The following CTNNA3 variants were observed in gnomAD, a reference collection of about 807,000 sequenced individuals.
CTNNA3 encodes the protein catenin alpha-3.
CTNNA3 carries 76 observed loss-of-function variants against 95.7 expected under a neutral mutation model. The ratio of observed to expected loss-of-function variants is 0.79; its 90% CI spans 0.66 to 0.96. CTNNA3 has a LOEUF of 0.96. Ranked by LOEUF, CTNNA3 falls within the 40% of genes least tolerant of loss-of-function variation. CTNNA3 has a pLI of 0.00. For synonymous variants in CTNNA3, 431 were observed against 374.4 expected, an observed-to-expected ratio of 1.15 and a Z score of -1.74; for missense variants, 1,191 against 1,089.8, an observed-to-expected ratio of 1.09 and a Z score of -1.31.
intron 1 of CTNNA3, among the ~76,000 whole-genome samples, chr10:67,650,116 G>A (rs147560429): frequency 1.5e-3 from 225 of 152,324 alleles, no homozygotes; most frequent in Middle Eastern, 6.8e-3. Context: ...TAGGATTACA[G>A]GCGTGAGCCA....
At position 67,001,264 on chromosome 10, in the gene CTNNA3, GC is replaced by G. The variant is rs201784996; in HGVS notation, c.1047+179052del. ...TGCAGTGAGCCGAGATGGAGCCACT[GC>G]ACTCCAGCCTGACGACAGAGTGAGA... On this transcript the variant is annotated intron_variant, in intron 7 of 17. Transcript: ENST00000433211. 1.5e-3 allele frequency among the ~76,000 whole-genome samples: 213 copies of G among 146,896 alleles called. 3 individuals are homozygous for G. The highest frequency in any genetic ancestry group is 0.011 in the Admixed American group (156 of 14,490).
At chr10:66,234,202 T>C (rs1286031114) in intron 13 of CTNNA3, among the ~76,000 whole-genome samples, 1 of 152,192 alleles carries the variant, frequency 6.6e-6, no homozygotes, top group Non-Finnish European at 1.5e-5. Flanking sequence ...AAGTCATTTA[T>C]ATTTTTTATT....
intron 7 of CTNNA3, among the ~76,000 whole-genome samples, chr10:67,022,708 C>T (rs1008807907): frequency 4.6e-5 from 7 of 152,150 alleles, no homozygotes; most frequent in Admixed American, 6.5e-5. Context: ...GAGGCCGAGG[C>T]GGGCAGATCA....
intron 4 of CTNNA3, among the ~76,000 whole-genome samples, chr10:67,531,604 G>A (rs545351817): frequency 2.3e-4 from 35 of 152,198 alleles, no homozygotes; most frequent in Non-Finnish European, 3.8e-4. Context: ...ATAGGCAGAA[G>A]AGACTTGCCT....
In CTNNA3 at chr10:66,392,373, T is replaced by G. The variant is rs1001190668; in HGVS notation, c.1532-13021A>C. Among the ~76,000 whole-genome samples, 3 of 151,968 alleles carry G rather than the reference T, an allele frequency of 2.0e-5. No homozygotes were observed. The East Asian group carries it at 5.8e-4, about 29-fold the overall frequency. On this transcript the variant is annotated intron_variant, in intron 11 of 17. Coordinates refer to ENST00000433211, the MANE Select transcript of CTNNA3 (RefSeq NM_013266.4). ...TGAACCTGGGAGGTGGAGGTTGCAG[T>G]GAGCAGAGATCGCTCCACTGCACTC...
intron 7 of CTNNA3, among the ~76,000 whole-genome samples, chr10:66,893,688 A>G (rs1845361880): frequency 6.6e-6 from 1 of 152,174 alleles, no homozygotes; most frequent in African/African-American, 2.4e-5. Flanking sequence ...GGGGGAAAAT[A>G]TGAGGGAAAC....
chr10:66,721,002 A>C (rs547525968), intron 9 of CTNNA3, among the ~76,000 whole-genome samples: 1 of 152,314 alleles, frequency 6.6e-6, no homozygotes, highest in South Asian at 2.1e-4. Flanking sequence ...GCCTCGGGGC[A>C]GACCCACAAA....
At chr10:66,952,087 G>C (rs1848565702) in intron 7 of CTNNA3, among the ~76,000 whole-genome samples, 1 of 152,144 alleles carries the variant, frequency 6.6e-6, no homozygotes, top group Non-Finnish European at 1.5e-5. Context: ...TTTCCAGCAT[G>C]CTGGGTCCAT....
chr10:66,076,064 T>C (rs1479466542), intron 14 of CTNNA3, among the ~76,000 whole-genome samples: 1 of 151,582 alleles, frequency 6.6e-6, no homozygotes. Flanking sequence ...GAACTCAACA[T>C]TCAAAATAAA....
At chr10:66,209,769 G>A (rs2088012894) in intron 13 of CTNNA3, among the ~76,000 whole-genome samples, 1 of 152,156 alleles carries the variant, frequency 6.6e-6, no homozygotes, top group African/African-American at 2.4e-5. Context: ...ACATAGGACA[G>A]TAAACCATGT....
At chr10:66,257,246 G>A (rs935560430) in intron 13 of CTNNA3, among the ~76,000 whole-genome samples, 1 of 152,130 alleles carries the variant, frequency 6.6e-6, no homozygotes, top group Admixed American at 6.5e-5. Context: ...AAGAGATAAT[G>A]TTCTTCATAG....
chr10:66,588,219 G>T (rs1180582364), intron 10 of CTNNA3, among the ~76,000 whole-genome samples: 1 of 152,088 alleles, frequency 6.6e-6, no homozygotes, highest in African/African-American at 2.4e-5. Flanking sequence ...TCTCCGGTGG[G>T]AGTGTGTGTC....
chr10:66,455,967 C>T (rs2093492469), intron 11 of CTNNA3, among the ~76,000 whole-genome samples: 1 of 152,118 alleles, frequency 6.6e-6, no homozygotes, highest in Admixed American at 6.5e-5. Flanking sequence ...TTTACAACAC[C>T]TCAAAAATTT....
At position 66,978,546 on chromosome 10, in the gene CTNNA3, A is replaced by T. The variant is rs1259933048; in HGVS notation, c.1047+201771T>A. On this transcript the variant is annotated intron_variant, in intron 7 of 17. Coordinates refer to ENST00000433211, the MANE Select transcript of CTNNA3 (RefSeq NM_013266.4). ...CATCTCAAAAAAAAAAAAAAAAAAA[A>T]AAAAAAATATATATATATATATATA... Among the ~76,000 whole-genome samples, 245 of 71,738 alleles carry T rather than the reference A, an allele frequency of 3.4e-3. 12 individuals carry two copies. The highest frequency in any genetic ancestry group is 6.0e-3 in the Non-Finnish European group (194 of 32,334). 47.1% of individuals were successfully genotyped at this position (71,738 alleles called of 152,430 possible). A position where few individuals can be genotyped will look rare whatever the true frequency, so the allele number is the denominator to read the frequency against.
chr10:66,166,518 A>G (rs1045497861), intron 13 of CTNNA3, among the ~76,000 whole-genome samples: 1 of 137,826 alleles, frequency 7.3e-6, no homozygotes, highest in Non-Finnish European at 1.5e-5. Flanking sequence ...AAAAAAAAAA[A>G]GAAGAAGTTT....
chr10:67,183,054 G>T (rs576324725), intron 6 of CTNNA3, among the ~76,000 whole-genome samples: 1 of 152,298 alleles, frequency 6.6e-6, no homozygotes, highest in African/African-American at 2.4e-5. Flanking sequence ...TGCTGGAGAG[G>T]ATATGGAGAA....
At chr10:67,096,738 T>C (rs10822975) in intron 7 of CTNNA3, among the ~76,000 whole-genome samples, 84,203 of 151,624 alleles carry the variant, frequency 0.56, 24,744 homozygotes, top group African/African-American at 0.76. Context: ...TTTCCCTCAC[T>C]TTTAGAACTT....
At chr10:67,519,896 G>T (rs1839930993) in intron 5 of CTNNA3, among the ~76,000 whole-genome samples, 2 of 152,134 alleles carry the variant, frequency 1.3e-5, no homozygotes, top group Admixed American at 1.3e-4. Flanking sequence ...GGAATAGAAT[G>T]CGAGATAAAA....
intron 10 of CTNNA3, among the ~76,000 whole-genome samples, chr10:66,610,581 T>C (rs1844293933): frequency 2.0e-5 from 3 of 152,122 alleles, no homozygotes; most frequent in Admixed American, 6.5e-5. Context: ...CCCAATGAGA[T>C]ACAATCTCAG....
Sources: allele counts gnomAD v4.1 joint callset (sites outside exome capture counted in the v4.1 genomes callset), GRCh38; gene constraint gnomAD v4.1.1; transcripts MANE v1.5; gene names NCBI Gene and HGNC (gene_info 2026-07-23, HGNC 2026-07-21).